Variants in IFNAR2 observed in about 807,000 individuals in gnomAD.
The protein encoded by IFNAR2 is interferon alpha and beta receptor subunit 2, also known as interferon alpha/beta receptor 2.
IFNAR2 carries 30 observed loss-of-function variants against 49.4 expected under a neutral mutation model. The observed-to-expected ratio is 0.61, with a 90% CI of 0.45 to 0.82. IFNAR2 has a LOEUF of 0.82. IFNAR2 is among the 40% of genes least tolerant of loss of function. The probability of loss-of-function intolerance (pLI) is 0.00; values close to 1 mark genes in which losing one functional copy is unlikely to be tolerated. For missense variants in IFNAR2, 600 were observed against 622.7 expected (o/e 0.96, Z 0.39); for synonymous variants, 224 against 234.5 (o/e 0.96, Z 0.41).
chr21:33,234,179 AAC>A (rs1283163057), intron 1 of IFNAR2, among the ~76,000 whole-genome samples: 5 of 103,278 alleles, frequency 4.8e-5, no homozygotes, highest in Admixed American at 9.7e-5. Flanking sequence ...ATTAAACAGA[AAC>A]ACTGTGTGTG....
At position 33,230,115 on chromosome 21, in the gene IFNAR2, C is replaced by G. The variant is rs1985923376; in HGVS notation, c.-185C>G. On this transcript the variant is annotated 5_prime_UTR_variant, in exon 1 of 9. Coordinates refer to ENST00000342136, the MANE Select transcript of IFNAR2 (RefSeq NM_001289125.3). This position sits in a 1 kb window ranked among gnomAD's most constrained non-coding sequence, Gnocchi z 5.5. ...CCGCCGCTTCTGTCCGAGAGGCCGCCCGCGAGGCGCATCCTGACCGCGAGC... is the reference window on the plus strand; with the variant it reads ...CCGCCGCTTCTGTCCGAGAGGCCGCGCGCGAGGCGCATCCTGACCGCGAGC... The G allele has an allele frequency of 5.0e-6, 5 of 990,252 alleles. No individual in the cohort carries two copies. The highest frequency in any genetic ancestry group is 6.0e-6 in the Non-Finnish European group (5 of 832,340). 61.3% of individuals were successfully genotyped at this position (990,252 alleles called of 1,614,324 possible).
chr21:33,252,090 A>ATCTG (rs1568889310), intron 6 of IFNAR2: 1 of 440,128 alleles, frequency 2.3e-6, no homozygotes. Context: ...CCATCTATCT[A>ATCTG]TCTATCTATC....
intron 7 of IFNAR2, among the ~76,000 whole-genome samples, chr21:33,260,199 C>G (rs1988469297): frequency 1.3e-5 from 2 of 152,330 alleles, no homozygotes; most frequent in African/African-American, 4.8e-5. Flanking sequence ...AGCAAACTTT[C>G]CTTCCCCACT....
intron 2 of IFNAR2, 67 bp from the exon 3 acceptor site, chr21:33,243,606 A>G (rs1039381919): frequency 8.7e-5 from 115 of 1,326,842 alleles, no homozygotes; most frequent in Admixed American, 2.1e-4. Context: ...TGTCAGACTT[A>G]GAGTAATCAT....
At position 33,241,928 on chromosome 21, in the gene IFNAR2, T is replaced by A; in HGVS notation, c.6T>A (p.Leu2=). Residue 2 remains leucine, a synonymous_variant, in exon 2 of 9, where the codon CTT becomes CTA. Transcript: ENST00000342136. The part of the protein sequence containing the change: M[L]LSQNAFIFRS... Reference sequence around the variant, plus strand: ...AGACTCTAAAAATAGCAAAGATGCTTTTGAGCCAGAATGCCTTCATCTTCA... The same window carrying A: ...AGACTCTAAAAATAGCAAAGATGCTATTGAGCCAGAATGCCTTCATCTTCA... 1.9e-6 allele frequency: 3 copies of A among 1,612,626 alleles called. No individual in the cohort carries two copies. The African/African-American group carries it at 4.0e-5, about 21-fold the overall frequency.
chr21:33,230,293 C>A lies in IFNAR2; in HGVS notation c.-84+77C>A. 1 of 1,093,262 alleles carries A rather than the reference C, an allele frequency of 9.1e-7. No homozygotes were observed. The highest frequency in any genetic ancestry group is 1.1e-6 in the Non-Finnish European group (1 of 879,656). The allele number at this position is 1,093,262 out of a possible 1,614,324, so 67.7% of individuals were successfully genotyped here. A position where few individuals can be genotyped will look rare whatever the true frequency, so the allele number is the denominator to read the frequency against. ...GAGGGAAAACGCCGCCTCCCTGCAG[C>A]GGTTCCCGGAATCCCCTCCGGTTCC... On this transcript the variant is annotated intron_variant, in intron 1 of 8. Coordinates refer to ENST00000342136, the MANE Select transcript of IFNAR2 (RefSeq NM_001289125.3). This position sits in a 1 kb window ranked among gnomAD's most constrained non-coding sequence, Gnocchi z 5.5.
At position 33,263,280 on chromosome 21, in the gene IFNAR2, T is replaced by C. The variant is rs756162995; in HGVS notation, c.1328T>C (p.Leu443Ser). Residue 443 changes from leucine (L) to serine (S), a missense_variant, in exon 9 of 9, where the codon TTA (leucine) becomes TCA (serine). Physicochemically the swap from Leu to Ser is moderately radical, Grantham distance 145 (BLOSUM62 -2). Transcript: ENST00000342136. ...CTTGATGACGAGGACAGTGACGACT[T>C]AGAAGCCCCTCTGATGCTATCGTCT... ...RVLDDEDSDDLEAPLMLSSHL... is the reference protein window; with the variant it reads ...RVLDDEDSDDSEAPLMLSSHL... 6.2e-7 allele frequency: 1 copy of C among 1,614,184 alleles called. No individual in the cohort carries two copies. Among genetic ancestry groups the C allele is most frequent in the South Asian group, 1.1e-5 (1 of 91,082 alleles).
chr21:33,260,569 A>G, intron 7 of IFNAR2, 28 bp from the exon 8 acceptor site: 1 of 1,575,284 alleles, frequency 6.3e-7, no homozygotes, highest in Non-Finnish European at 8.6e-7. Flanking sequence ...ATTTTTTGAA[A>G]TAAAGTCATT....
chr21:33,252,946 C>A, intron 7 of IFNAR2, 116 bp downstream of exon 7: 1 of 831,950 alleles, frequency 1.2e-6, no homozygotes, highest in Non-Finnish European at 2.1e-6. Context: ...GTCTTTCTTC[C>A]AGTAAACACC....
rs1988763131 is a variant in IFNAR2, at chr21:33,263,199, G to A, written c.1247G>A (p.Gly416Glu). Reference sequence around the variant, plus strand: ...GAAGAGGACTACAGCTCCACGGAGGGGTCTGGGGGCAGAATTACCTTCAAT... The same window carrying A: ...GAAGAGGACTACAGCTCCACGGAGGAGTCTGGGGGCAGAATTACCTTCAAT... ...FPEEDYSSTE[G>E]SGGRITFNVD... is the part of the protein sequence containing the mutation. Residue 416 changes from glycine to glutamate, a missense_variant, in exon 9 of 9, where the codon GGG becomes GAG. Physicochemically the swap from Gly to Glu is moderately conservative, Grantham distance 98. Transcript: ENST00000342136. 2.5e-6 allele frequency: 4 copies of A among 1,614,188 alleles called. No homozygotes were observed. In the East Asian group the frequency reaches 6.7e-5, roughly 27 times the overall value.
intron 1 of IFNAR2, chr21:33,236,962 A>G (rs556473274): frequency 2.8e-4 from 212 of 751,750 alleles, no homozygotes; most frequent in Non-Finnish European, 3.4e-4. Flanking sequence ...CCAAGATGGG[A>G]TATTATATTT....
At chr21:33,238,137 C>T (rs1358681232) in intron 1 of IFNAR2, among the ~76,000 whole-genome samples, 4 of 152,164 alleles carry the variant, frequency 2.6e-5, no homozygotes, top group Non-Finnish European at 4.4e-5. Context: ...AGTTAGCTCC[C>T]TGCTACCTTG....
chr21:33,231,113 A>G (rs1158837038), intron 1 of IFNAR2, among the ~76,000 whole-genome samples: 2 of 151,802 alleles, frequency 1.3e-5, no homozygotes, highest in Admixed American at 6.6e-5. Flanking sequence ...GCTCAGGGAG[A>G]GGTGGAGTTT....
rs1034477753 is a variant in IFNAR2, at chr21:33,242,073, A to T, written c.55+96A>T. Reference sequence around the variant, plus strand: ...AGGAAGTCGCAAACTCATTTCCCTGACTAGAGGACCCAGTACCACCCTGCC... The same window carrying T: ...AGGAAGTCGCAAACTCATTTCCCTGTCTAGAGGACCCAGTACCACCCTGCC... On this transcript the variant is annotated intron_variant, in intron 2 of 8. Transcript: ENST00000342136. 6.0e-6 allele frequency: 7 copies of T among 1,169,298 alleles called. No individual in the cohort carries two copies. In the Admixed American group the frequency reaches 1.0e-4, roughly 17 times the overall value. The allele number at this position is 1,169,298 out of a possible 1,614,324, so 72.4% of individuals were successfully genotyped here. A position where few individuals can be genotyped will look rare whatever the true frequency, so the allele number is the denominator to read the frequency against.
intron 1 of IFNAR2, among the ~76,000 whole-genome samples, chr21:33,238,300 C>T (rs556073111): frequency 3.3e-5 from 5 of 152,232 alleles, no homozygotes; most frequent in Admixed American, 6.6e-5. Flanking sequence ...AATAAATCTG[C>T]CTTTCTTGAC....
chr21:33,262,266 G>A (rs1950388523), intron 8 of IFNAR2, among the ~76,000 whole-genome samples: 1 of 150,746 alleles, frequency 6.6e-6, no homozygotes, highest in African/African-American at 2.4e-5. Context: ...TCAGGAGGCT[G>A]AGGCAGAGAA....
chr21:33,239,671 A>C (rs1259253431), intron 1 of IFNAR2, among the ~76,000 whole-genome samples: 2 of 141,444 alleles, frequency 1.4e-5, no homozygotes, highest in Non-Finnish European at 3.0e-5. Flanking sequence ...TGTGAGCTAC[A>C]GGTTCTATAC....
At chr21:33,252,098 A>G (rs1419982153) in intron 6 of IFNAR2, 2 of 454,792 alleles carry the variant, frequency 4.4e-6, no homozygotes, top group African/African-American at 2.0e-5. Context: ...CTATCTATCT[A>G]TCTATCTATC....
chr21:33,231,256 C>G (rs537064654), intron 1 of IFNAR2, among the ~76,000 whole-genome samples: 1 of 152,164 alleles, frequency 6.6e-6, no homozygotes, highest in South Asian at 2.1e-4. Flanking sequence ...CTATCAAAAT[C>G]TACCCTAAGG....
Sources: gnomAD v4.1 joint callset for allele counts (sites outside exome capture counted in the v4.1 genomes callset) on GRCh38, gnomAD v4.1.1 for gene constraint, Gnocchi (gnomAD v3.1) non-coding constraint, MANE v1.5 for transcripts, NCBI Gene and HGNC (gene_info 2026-07-23, HGNC 2026-07-21) for gene names.